PPP2R5A: variants seen among roughly 807,000 people sequenced by gnomAD.
PPP2R5A encodes serine/threonine-protein phosphatase 2A 56 kDa regulatory subunit alpha isoform.
In PPP2R5A, 25 loss-of-function variants were observed where a neutral mutation model predicts 64.2. The ratio of observed to expected loss-of-function variants is 0.39; its 90% CI spans 0.28 to 0.54. The LOEUF (loss-of-function observed/expected upper bound fraction) is 0.54, where lower values mean the gene tolerates loss of function less well. Among genes scored for constraint, PPP2R5A ranks in the 20% least tolerant of loss-of-function variants. PPP2R5A has a pLI of 0.67. For missense variants in PPP2R5A, 425 were observed against 576.3 expected (o/e 0.74, Z 2.69); for synonymous variants, 198 against 201.2 (o/e 0.98, Z 0.13).
chr1:212,349,225 A>G lies in PPP2R5A; in HGVS notation c.910A>G (p.Thr304Ala). ...YCVVQFLEKD[T>A]TLTEPVIRGL... ...TGTTGTACAGTTCCTGGAGAAAGAT[A>G]CAACACTAACAGAGCCAGTAAGTGT... The change falls in exon 8 of 13, where the codon ACA becomes GCA. Residue 304 changes from threonine (T) to alanine (A), a missense_variant. Thr to Ala is a moderately conservative substitution (Grantham distance 58). Coordinates refer to ENST00000261461, the MANE Select transcript of PPP2R5A (RefSeq NM_006243.4). 1 of 1,577,250 alleles carries G rather than the reference A, an allele frequency of 6.3e-7. No individual in the cohort carries two copies.
intron 3 of PPP2R5A, among the ~76,000 whole-genome samples, chr1:212,338,421 GT>G (rs1659625901): frequency 6.6e-6 from 1 of 152,150 alleles, no homozygotes; most frequent in African/African-American, 2.4e-5. Flanking sequence ...TTGCAACACT[GT>G]TTCTTAGATT....
chr1:212,301,513 G>T (rs1396139051), intron 1 of PPP2R5A, among the ~76,000 whole-genome samples: 1 of 152,084 alleles, frequency 6.6e-6, no homozygotes, highest in Non-Finnish European at 1.5e-5. Context: ...CCTGAAATAC[G>T]ATGTCTACAA....
At chr1:212,287,435 A>T (rs1468653294) in intron 1 of PPP2R5A, among the ~76,000 whole-genome samples, 1 of 152,160 alleles carries the variant, frequency 6.6e-6, no homozygotes, top group Admixed American at 6.5e-5. Context: ...ATCCAGCCTT[A>T]GTTTGGCAAG....
chr1:212,313,382 T>C (rs964169396), intron 1 of PPP2R5A, among the ~76,000 whole-genome samples: 4 of 152,236 alleles, frequency 2.6e-5, no homozygotes, highest in African/African-American at 7.2e-5. Context: ...TAAATTCGTG[T>C]ATACTGTTTA....
intron 1 of PPP2R5A, among the ~76,000 whole-genome samples, chr1:212,290,532 C>A (rs1026271652): frequency 1.3e-5 from 2 of 152,114 alleles, no homozygotes; most frequent in Non-Finnish European, 2.9e-5. Flanking sequence ...AAATTTAAAA[C>A]ATTTTTAGGA....
intron 1 of PPP2R5A, chr1:212,309,133 C>G: frequency 9.3e-7 from 1 of 1,073,572 alleles, no homozygotes; most frequent in Non-Finnish European, 1.4e-6. Context: ...TCCATCAGGC[C>G]GAATCAGGGT....
rs966818232 is a variant in PPP2R5A, at chr1:212,345,731, T to G, written c.574-72T>G. On this transcript the variant is annotated intron_variant, in intron 4 of 12. Coordinates refer to ENST00000261461, the MANE Select transcript of PPP2R5A (RefSeq NM_006243.4). ...TTTTAAAAGATGTCATGGATAATCTTTAAGATCAAAATTAGAATAAAGCTT... is the reference window on the plus strand; with the variant it reads ...TTTTAAAAGATGTCATGGATAATCTGTAAGATCAAAATTAGAATAAAGCTT... 4.0e-6 allele frequency: 6 copies of G among 1,499,330 alleles called. No homozygotes were observed. The Admixed American group carries it at 1.4e-4, about 35-fold the overall frequency. The allele number at this position is 1,499,330 out of a possible 1,614,324, so 92.9% of individuals were successfully genotyped here.
Position 212,358,802 on chromosome 1 carries a change from G to A in PPP2R5A, c.1328+15G>A. On this transcript the variant is annotated intron_variant, in intron 12 of 12. Coordinates refer to ENST00000261461, the MANE Select transcript of PPP2R5A (RefSeq NM_006243.4). ...GAAAGACAGAGGTATTTGATATTTTGAATTACAAAATTATCTATACATTTT... is the reference window on the plus strand; with the variant it reads ...GAAAGACAGAGGTATTTGATATTTTAAATTACAAAATTATCTATACATTTT... 1 of 1,586,348 alleles carries A rather than the reference G, an allele frequency of 6.3e-7. No individual in the cohort carries two copies.
chr1:212,317,957 A>T (rs1659190130), intron 1 of PPP2R5A, among the ~76,000 whole-genome samples: 2 of 152,094 alleles, frequency 1.3e-5, no homozygotes, highest in Admixed American at 6.6e-5. Flanking sequence ...CAAAAAAAAA[A>T]TTAAAAAAAA....
chr1:212,328,329 T>TA (rs921314477), intron 1 of PPP2R5A, among the ~76,000 whole-genome samples: 1 of 150,926 alleles, frequency 6.6e-6, no homozygotes, highest in Non-Finnish European at 1.5e-5. Context: ...AAATAAAAAT[T>TA]AAAAAAAAAG....
At chr1:212,325,248 G>C (rs926058385) in intron 1 of PPP2R5A, among the ~76,000 whole-genome samples, 2 of 152,146 alleles carry the variant, frequency 1.3e-5, no homozygotes, top group South Asian at 4.1e-4. Context: ...GAACACTATA[G>C]ATCATGAGAG....
At chr1:212,317,073 T>C (rs959242986) in intron 1 of PPP2R5A, among the ~76,000 whole-genome samples, 3 of 152,230 alleles carry the variant, frequency 2.0e-5, no homozygotes, top group African/African-American at 4.8e-5. Flanking sequence ...TGAAGTTCTG[T>C]AGGACCCTTG....
chr1:212,321,872 T>C (rs12039045), intron 1 of PPP2R5A, among the ~76,000 whole-genome samples: 99,167 of 147,426 alleles, frequency 0.67, 35,224 homozygotes, highest in African/African-American at 0.91. Context: ...GCCGAGATCA[T>C]GCCACTGCAC....
At chr1:212,302,449 C>T (rs1658815292) in intron 1 of PPP2R5A, among the ~76,000 whole-genome samples, 1 of 152,100 alleles carries the variant, frequency 6.6e-6, no homozygotes, top group Non-Finnish European at 1.5e-5. Flanking sequence ...GTGTTGTATA[C>T]ACATTGGTGG....
rs536081680 is a variant in PPP2R5A at position 212,285,446 on chromosome 1, G to C, written c.-665G>C. ...CCAACCACCTTCTCAAGTTGTAGCGGTCGCTCGCCTGGGGTTCTCCGTGGG... is the reference window on the plus strand; with the variant it reads ...CCAACCACCTTCTCAAGTTGTAGCGCTCGCTCGCCTGGGGTTCTCCGTGGG... On this transcript the variant is annotated 5_prime_UTR_variant, in exon 1 of 13. Transcript: ENST00000261461. The C allele has an allele frequency of 6.6e-6, 1 of 152,558 alleles. No individual in the cohort carries two copies. The highest frequency in any genetic ancestry group is 2.4e-5 in the African/African-American group (1 of 41,588). 9.5% of individuals were successfully genotyped at this position (152,558 alleles called of 1,614,324 possible).
intron 1 of PPP2R5A, among the ~76,000 whole-genome samples, chr1:212,307,469 C>G (rs540512447): frequency 2.4e-4 from 37 of 151,844 alleles, no homozygotes; most frequent in Non-Finnish European, 4.1e-4. Flanking sequence ...ATAATTATTA[C>G]TTTACCATCA....
chr1:212,302,245 A>G (rs1293926642), intron 1 of PPP2R5A, among the ~76,000 whole-genome samples: 1 of 152,210 alleles, frequency 6.6e-6, no homozygotes, highest in Non-Finnish European at 1.5e-5. Flanking sequence ...ACTGTATTGT[A>G]TTAAAAATTC....
intron 1 of PPP2R5A, among the ~76,000 whole-genome samples, chr1:212,314,950 T>C (rs1408444550): frequency 6.6e-6 from 1 of 152,080 alleles, no homozygotes; most frequent in Non-Finnish European, 1.5e-5. Context: ...CAAGCAGTTC[T>C]CCTGCCTCAG....
chr1:212,335,005 G>A lies in PPP2R5A; in HGVS notation c.480+1407G>A, dbSNP rs573451078. ...CTGCCCTTTTTCTCTCATCTTCTGGGACTCTCATTTATGTGTATGTTGCTA... is the reference window on the plus strand; with the variant it reads ...CTGCCCTTTTTCTCTCATCTTCTGGAACTCTCATTTATGTGTATGTTGCTA... On this transcript the variant is annotated intron_variant, in intron 3 of 12. Coordinates refer to ENST00000261461, the MANE Select transcript of PPP2R5A (RefSeq NM_006243.4). Among the ~76,000 whole-genome samples the A allele has an allele frequency of 4.4e-4, 67 of 151,686 alleles. 1 individual carries two copies. Among genetic ancestry groups the A allele is most frequent in the African/African-American group, 1.6e-3 (65 of 41,318 alleles).
Sources: allele counts gnomAD v4.1 joint callset (sites outside exome capture counted in the v4.1 genomes callset), GRCh38; gene constraint gnomAD v4.1.1; transcripts MANE v1.5; gene names NCBI Gene and HGNC (gene_info 2026-07-23, HGNC 2026-07-21).